The following LRRC63 variants were observed in gnomAD, a reference collection of about 807,000 sequenced individuals.
The protein encoded by LRRC63 is leucine-rich repeat-containing protein 63.
Under a neutral mutation model 49.5 loss-of-function variants are expected in LRRC63, and 40 were observed. That is an observed-to-expected ratio of 0.81 (90% confidence interval 0.63 to 1.05). LRRC63 has a LOEUF of 1.05. LRRC63 is among the 50% of genes least tolerant of loss of function. The probability of loss-of-function intolerance (pLI) is 0.00; values close to 1 mark genes in which losing one functional copy is unlikely to be tolerated. For missense variants in LRRC63, 636 were observed against 663.1 expected, an observed-to-expected ratio of 0.96 and a Z score of 0.45; for synonymous variants, 191 against 221.1, an observed-to-expected ratio of 0.86 and a Z score of 1.21.
At chr13:46,255,482 A>T (rs527783845) in intron 7 of LRRC63, among the ~76,000 whole-genome samples, 16 of 152,072 alleles carry the variant, frequency 1.1e-4, no homozygotes, top group Middle Eastern at 3.4e-3. Context: ...CCTGGGCAAC[A>T]TGGTAAAACC....
Position 46,233,217 on chromosome 13 carries a change from T to G in LRRC63, c.833-975T>G, listed in dbSNP as rs534985467. ...TCATCTCCATCTTCCTCATTTCTAC[T>G]CAACAACCAACTCTGTGGGCTTAGA... On this transcript the variant is annotated intron_variant, in intron 4 of 9. Transcript: ENST00000595396. Among the ~76,000 whole-genome samples, 282 of 152,272 alleles carry G rather than the reference T, an allele frequency of 1.9e-3. 2 individuals carry two copies. Among genetic ancestry groups the G allele is most frequent in the Non-Finnish European group, 1.7e-3 (114 of 68,006 alleles).
At chr13:46,248,498 T>G (rs557783635) in intron 6 of LRRC63, among the ~76,000 whole-genome samples, 73 of 152,022 alleles carry the variant, frequency 4.8e-4, no homozygotes, top group Non-Finnish European at 8.7e-4. Flanking sequence ...CTGGAGAGAC[T>G]ATACTAATAT....
intron 2 of LRRC63, among the ~76,000 whole-genome samples, chr13:46,224,867 G>C (rs2046522828): frequency 6.6e-6 from 1 of 152,174 alleles, no homozygotes; most frequent in South Asian, 2.1e-4. Context: ...TTCCTTAGAG[G>C]ATTAGGCTGC....
chr13:46,246,567 C>T lies in LRRC63; in HGVS notation c.1031C>T (p.Ala344Val), dbSNP rs1022243340. ...AATTGTCCAGACTTAACACCTTTGG[C>T]TTTCCAGTTGATATATCTTAATTTA... is the stretch of plus-strand genomic sequence containing the variant. Residue 344 changes from alanine (A) to valine (V), a missense_variant, in exon 6 of 10, where the codon GCT becomes GTT. By Grantham distance (64) the Ala-to-Val change is moderately conservative. Transcript: ENST00000595396. The T allele has an allele frequency of 8.9e-6, 13 of 1,468,390 alleles. No individual in the cohort carries two copies. In the Admixed American group the frequency reaches 1.8e-4, roughly 20 times the overall value. 91.0% of individuals were successfully genotyped at this position (1,468,390 alleles called of 1,614,324 possible).
At chr13:46,273,568 C>T (rs924248898) in intron 9 of LRRC63, among the ~76,000 whole-genome samples, 1 of 146,824 alleles carries the variant, frequency 6.8e-6, no homozygotes, top group Admixed American at 6.9e-5. Flanking sequence ...TGCCACTGCA[C>T]TCCAGCCTGG....
intron 7 of LRRC63, among the ~76,000 whole-genome samples, chr13:46,257,239 C>T (rs150779443): frequency 6.6e-5 from 10 of 152,202 alleles, no homozygotes; most frequent in African/African-American, 1.2e-4. Context: ...GTTCTACAGC[C>T]GGAAAGAACT....
At chr13:46,257,098 C>A (rs1174865245) in intron 7 of LRRC63, among the ~76,000 whole-genome samples, 1 of 152,088 alleles carries the variant, frequency 6.6e-6, no homozygotes, top group Non-Finnish European at 1.5e-5. Context: ...CAGAGAGATA[C>A]CACCTGAGGA....
chr13:46,213,684 CCTAAGTT>C (rs1164968659), intron 2 of LRRC63, among the ~76,000 whole-genome samples: 1 of 151,980 alleles, frequency 6.6e-6, no homozygotes, highest in African/African-American at 2.4e-5. Flanking sequence ...TGTTGTTGGC[CCTAAGTT>C]CAATGTTAAC....
At chr13:46,242,284 G>A (rs1465366443) in intron 5 of LRRC63, among the ~76,000 whole-genome samples, 1 of 152,110 alleles carries the variant, frequency 6.6e-6, no homozygotes, top group East Asian at 1.9e-4. Flanking sequence ...CGGACACATA[G>A]AGGGGAACAA....
chr13:46,221,643 T>C (rs919443212), intron 2 of LRRC63, among the ~76,000 whole-genome samples: 3 of 152,200 alleles, frequency 2.0e-5, no homozygotes, highest in Non-Finnish European at 4.4e-5. Flanking sequence ...CATAAGTATA[T>C]GGGACTGTGA....
At chr13:46,271,928 ATAAC>A (rs1228578161) in intron 9 of LRRC63, among the ~76,000 whole-genome samples, 3 of 152,058 alleles carry the variant, frequency 2.0e-5, no homozygotes, top group Non-Finnish European at 4.4e-5. Context: ...ATAACTAATA[ATAAC>A]TAACAATAAC....
chr13:46,257,412 G>A (rs2047530227), intron 7 of LRRC63, among the ~76,000 whole-genome samples: 1 of 152,160 alleles, frequency 6.6e-6, no homozygotes, highest in African/African-American at 2.4e-5. Context: ...GTACGCCACT[G>A]TTTGTGTTGC....
At chr13:46,238,204 T>C (rs61949185) in intron 5 of LRRC63, among the ~76,000 whole-genome samples, 19,511 of 152,150 alleles carry the variant, frequency 0.13, 1,754 homozygotes, top group Non-Finnish European at 0.2. Context: ...CAATGAATAG[T>C]GGGAGACATC....
At chr13:46,225,113 G>C (rs546345641) in intron 2 of LRRC63, among the ~76,000 whole-genome samples, 1 of 152,208 alleles carries the variant, frequency 6.6e-6, no homozygotes, top group Non-Finnish European at 1.5e-5. Flanking sequence ...TTGTGCTATG[G>C]GTCATGGCAG....
chr13:46,234,735 T>C (rs2046859032), intron 5 of LRRC63, among the ~76,000 whole-genome samples: 2 of 152,290 alleles, frequency 1.3e-5, no homozygotes, highest in South Asian at 2.1e-4. Flanking sequence ...GTATCCACTA[T>C]GTGCCAAGTA....
chr13:46,239,446 G>A (rs1047503949), intron 5 of LRRC63, among the ~76,000 whole-genome samples: 8 of 152,092 alleles, frequency 5.3e-5, no homozygotes, highest in Admixed American at 5.2e-4. Context: ...GGAAGAAATT[G>A]ATTACCTGAA....
chr13:46,255,141 T>A (rs773188725), intron 7 of LRRC63, among the ~76,000 whole-genome samples: 1 of 152,176 alleles, frequency 6.6e-6, no homozygotes, highest in Non-Finnish European at 1.5e-5. Context: ...GAAAACATTA[T>A]GCTAGGTGGA....
In LRRC63 at chr13:46,223,276, T is replaced by C. The variant is rs186750517; in HGVS notation, c.86-4236T>C. Among the ~76,000 whole-genome samples the C allele has an allele frequency of 2.6e-5, 4 of 152,284 alleles. No homozygotes were observed. In the East Asian group the frequency reaches 5.8e-4, roughly 22 times the overall value. On this transcript the variant is annotated intron_variant, in intron 2 of 9. Coordinates refer to ENST00000595396, the Ensembl canonical transcript of LRRC63. ...GTGTCCTTTCCCCAGTGTCAGTTCT[T>C]GTCAGTGTTGTTGAAGATCAGTTGG...
At chr13:46,230,759 A>G (rs2046729774) in intron 4 of LRRC63, among the ~76,000 whole-genome samples, 1 of 152,230 alleles carries the variant, frequency 6.6e-6, no homozygotes, top group African/African-American at 2.4e-5. Context: ...CTGTATGGCC[A>G]GGCTGCAAAT....
Sources: gnomAD v4.1 joint callset for allele counts (sites outside exome capture counted in the v4.1 genomes callset) on GRCh38, gnomAD v4.1.1 for gene constraint, MANE v1.5 for transcripts, NCBI Gene and HGNC (gene_info 2026-07-23, HGNC 2026-07-21) for gene names.